The following RIMS2 variants were observed in gnomAD, a reference collection of about 807,000 sequenced individuals.
The protein encoded by RIMS2 is regulating synaptic membrane exocytosis protein 2.
Under a neutral mutation model 174.4 loss-of-function variants are expected in RIMS2, and 59 were observed. The ratio of observed to expected loss-of-function variants is 0.34; its 90% CI spans 0.27 to 0.42. The LOEUF (loss-of-function observed/expected upper bound fraction) is 0.42. Ranked by LOEUF, RIMS2 falls within the 10% of genes least tolerant of loss-of-function variation. The pLI is 1.00. For missense variants in RIMS2, 1,620 were observed against 1,666.3 expected (o/e 0.97, Z 0.48); for synonymous variants, 606 against 572.5 (o/e 1.06, Z -0.84).
intron 19 of RIMS2, among the ~76,000 whole-genome samples, chr8:104,024,616 A>C (rs942316074): frequency 2.6e-5 from 4 of 152,142 alleles, no homozygotes; most frequent in Non-Finnish European, 5.9e-5. Flanking sequence ...TGCTATTTTA[A>C]ATGTGTTGTA....
chr8:103,728,748 CTTTTT>C (rs71575982), intron 2 of RIMS2, among the ~76,000 whole-genome samples: 1 of 92,682 alleles, frequency 1.1e-5, no homozygotes, highest in Non-Finnish European at 2.1e-5. Context: ...TATGCTCCTT[CTTTTT>C]TTTTTTTTTT....
chr8:104,142,128 T>C (rs1392569194), intron 19 of RIMS2, among the ~76,000 whole-genome samples: 1 of 151,358 alleles, frequency 6.6e-6, no homozygotes, highest in African/African-American at 2.4e-5. Context: ...TCCTTTTTTT[T>C]TTTTTTTTTC....
chr8:103,817,641 G>A lies in RIMS2; in HGVS notation c.698+51104G>A, dbSNP rs371958907. 3.9e-5 allele frequency among the ~76,000 whole-genome samples: 6 copies of A among 152,200 alleles called. No individual in the cohort carries two copies. In the East Asian group the frequency reaches 5.8e-4, roughly 15 times the overall value. ...ACTAAAAATACAAAATTAGCTGGGC[G>A]TGGTGGCACACTCCTGTAATCCCAG... is the stretch of plus-strand genomic sequence containing the variant. On this transcript the variant is annotated intron_variant, in intron 3 of 23. Coordinates refer to ENST00000504942, the Ensembl canonical transcript of RIMS2.
chr8:103,769,490 A>T (rs1394217920), intron 3 of RIMS2, among the ~76,000 whole-genome samples: 1 of 151,892 alleles, frequency 6.6e-6, no homozygotes, highest in East Asian at 1.9e-4. Flanking sequence ...TGCCTGGCTA[A>T]TTTTTTTGTA....
chr8:104,225,364 T>C (rs1326672403), intron 19 of RIMS2, among the ~76,000 whole-genome samples: 1 of 152,226 alleles, frequency 6.6e-6, no homozygotes, highest in Non-Finnish European at 1.5e-5. Context: ...TATTATTTTC[T>C]TATATTTGGC....
chr8:104,016,585 T>C (rs1212638360), intron 19 of RIMS2, among the ~76,000 whole-genome samples: 1 of 152,052 alleles, frequency 6.6e-6, no homozygotes, highest in Non-Finnish European at 1.5e-5. Flanking sequence ...TTGCTTAAAA[T>C]TGGGGGCATA....
chr8:104,056,796 G>A (rs1370541255), intron 19 of RIMS2, among the ~76,000 whole-genome samples: 1 of 152,136 alleles, frequency 6.6e-6, no homozygotes, highest in Non-Finnish European at 1.5e-5. Context: ...GAGGCAGGAG[G>A]ATCACTTAAG....
chr8:104,131,442 A>G (rs2098472962), intron 19 of RIMS2, among the ~76,000 whole-genome samples: 1 of 152,184 alleles, frequency 6.6e-6, no homozygotes, highest in Admixed American at 6.6e-5. Context: ...GAAAATATAT[A>G]TGAATGCATG....
intron 1 of RIMS2, among the ~76,000 whole-genome samples, chr8:103,623,523 C>T (rs71520838): frequency 0.2 from 23,317 of 117,604 alleles, 1,829 homozygotes; most frequent in African/African-American, 0.28. Context: ...CTCGCTCTGT[C>T]GCCCAGGCTG....
At chr8:103,902,855 CTTAAA>C (rs1176740619) in intron 4 of RIMS2, among the ~76,000 whole-genome samples, 2 of 152,056 alleles carry the variant, frequency 1.3e-5, no homozygotes, top group East Asian at 3.9e-4. Context: ...TTTAATTGTA[CTTAAA>C]TTAGAGTTTT....
chr8:104,014,570 G>A (rs777342426), exon 19 of RIMS2: 3 of 1,613,152 alleles, frequency 1.9e-6, no homozygotes, highest in Non-Finnish European at 2.5e-6. Flanking sequence ...AGGACGAAGG[G>A]GCCGACAGCT....
At chr8:104,177,310 A>G (rs2098907814) in intron 19 of RIMS2, among the ~76,000 whole-genome samples, 1 of 152,152 alleles carries the variant, frequency 6.6e-6, no homozygotes, top group Non-Finnish European at 1.5e-5. Context: ...GTGCCTTTGT[A>G]GTAGGAAAAT....
chr8:103,833,778 A>C (rs1309130231), intron 3 of RIMS2, among the ~76,000 whole-genome samples: 2 of 152,034 alleles, frequency 1.3e-5, no homozygotes, highest in Admixed American at 1.3e-4. Context: ...TTCCTCAAAC[A>C]TAGTTGTTAT....
rs754719790 is a variant in RIMS2 at position 103,936,612 on chromosome 8, A to G, written c.2437A>G (p.Thr813Ala). ...AACATTGGAACCCAAATGGAACCAA[A>G]CATTCATTTATTCTCCAGTCCACCG... The change falls in exon 13 of 24, where the codon ACA (threonine) becomes GCA (alanine). Residue 813 changes from threonine to alanine, a missense_variant. This residue lies in a region of RIMS2 where 1,395 missense variants were observed against 1,360.1 expected (regional missense o/e 1.03). Coordinates refer to ENST00000504942, the Ensembl canonical transcript of RIMS2. 1.9e-5 allele frequency: 30 copies of G among 1,609,752 alleles called. No homozygotes were observed. In the East Asian group the frequency reaches 6.1e-4, roughly 33 times the overall value.
Position 103,571,749 on chromosome 8 carries a change from A to G in RIMS2, c.176+70687A>G, listed in dbSNP as rs141022654. On this transcript the variant is annotated intron_variant, in intron 1 of 23. Transcript: ENST00000504942. The stretch of plus-strand genomic sequence containing the variant: ...TTCGTTCATATAACTGGAAAGTCCA[A>G]TAGGTAACTGGATTCAGAGCCTCAG... Among the ~76,000 whole-genome samples the G allele has an allele frequency of 9.5e-4, 145 of 152,310 alleles. 1 individual carries two copies. The highest frequency in any genetic ancestry group is 4.8e-3 in the South Asian group (23 of 4,830).
At chr8:103,991,684 G>C (rs562344677) in intron 17 of RIMS2, among the ~76,000 whole-genome samples, 1 of 152,186 alleles carries the variant, frequency 6.6e-6, no homozygotes, top group African/African-American at 2.4e-5. Context: ...AACCTTTCTT[G>C]TCAGTAAGAA....
At chr8:104,157,136 G>A (rs1455858057) in intron 19 of RIMS2, among the ~76,000 whole-genome samples, 2 of 151,998 alleles carry the variant, frequency 1.3e-5, no homozygotes, top group African/African-American at 2.4e-5. Context: ...ATTGAATCAT[G>A]CTACTGTATG....
At chr8:103,566,070 A>G (rs2092316586) in intron 1 of RIMS2, among the ~76,000 whole-genome samples, 1 of 152,210 alleles carries the variant, frequency 6.6e-6, no homozygotes, top group Admixed American at 6.5e-5. Flanking sequence ...AAACATAGGT[A>G]TACCTGGAAC....
intron 1 of RIMS2, among the ~76,000 whole-genome samples, chr8:103,566,326 C>A (rs1397754904): frequency 6.6e-6 from 1 of 152,144 alleles, no homozygotes; most frequent in African/African-American, 2.4e-5. Flanking sequence ...TCTGTGACCA[C>A]CCCATATTCC....
Sources: allele counts gnomAD v4.1 joint callset (sites outside exome capture counted in the v4.1 genomes callset), GRCh38; gene constraint gnomAD v4.1.1; regional missense constraint gnomAD v4.1.1; transcripts MANE v1.5; gene names NCBI Gene and HGNC (gene_info 2026-07-23, HGNC 2026-07-21).